Variants in TNNI3K observed in about 807,000 individuals in gnomAD.
TNNI3K encodes the protein TNNI3 interacting kinase.
In TNNI3K, 140 loss-of-function variants were observed where a neutral mutation model predicts 114.5. That is an observed-to-expected ratio of 1.22 (90% CI 1.07 to 1.41). The LOEUF is 1.41. Ranked by LOEUF, TNNI3K falls within the 40% of genes most tolerant of loss-of-function variation. The pLI, the probability that TNNI3K is intolerant of heterozygous loss-of-function variation, is 0.00. For synonymous variants in TNNI3K, 347 were observed against 347.5 expected, an observed-to-expected ratio of 1.00 and a Z score of 0.02; for missense variants, 1,125 against 1,007.6, an observed-to-expected ratio of 1.12 and a Z score of -1.58.
intron 9 of TNNI3K, among the ~76,000 whole-genome samples, chr1:74,349,637 C>G (rs991216579): frequency 1.3e-5 from 2 of 152,118 alleles, no homozygotes; most frequent in Non-Finnish European, 2.9e-5. Context: ...TGATTATTGC[C>G]TCAATTTCAG....
chr1:74,417,171 A>G (rs1014920024), intron 17 of TNNI3K, among the ~76,000 whole-genome samples: 2 of 152,120 alleles, frequency 1.3e-5, no homozygotes, highest in Admixed American at 6.6e-5. Flanking sequence ...AGGGAAATAT[A>G]CTTGTTCTTA....
At chr1:74,416,502 G>A in intron 17 of TNNI3K, 1 of 984,420 alleles carries the variant, frequency 1.0e-6, no homozygotes, top group Non-Finnish European at 1.2e-6. Flanking sequence ...ACTAGTAGGT[G>A]TGACAGTGGG....
intron 17 of TNNI3K, chr1:74,418,313 C>A: frequency 4.3e-6 from 1 of 233,622 alleles, no homozygotes; most frequent in Non-Finnish European, 8.8e-6. Context: ...TAGAAGCCTG[C>A]CTCTAGGACT....
chr1:74,236,013 A>T, intron 1 of TNNI3K, 89 bp from the exon 2 acceptor site: 1 of 911,758 alleles, frequency 1.1e-6, no homozygotes, highest in South Asian at 1.8e-5. Flanking sequence ...TAGAATAAAA[A>T]ACAGTTTTGA....
intron 17 of TNNI3K, among the ~76,000 whole-genome samples, chr1:74,382,585 T>G (rs1386626974): frequency 6.6e-6 from 1 of 152,186 alleles, no homozygotes; most frequent in Non-Finnish European, 1.5e-5. Context: ...TTCTGAAAGA[T>G]GCAGTGTTTC....
Position 74,369,386 on chromosome 1 carries a change from T to C in TNNI3K, c.1473-5T>C. 4 of 1,607,544 alleles carry C rather than the reference T, an allele frequency of 2.5e-6. No individual in the cohort carries two copies. Among genetic ancestry groups the C allele is most frequent in the Non-Finnish European group, 3.4e-6 (4 of 1,176,836 alleles). On this transcript the variant is annotated splice_polypyrimidine_tract_variant and splice_region_variant and intron_variant, in intron 15 of 24. Transcript: ENST00000326637. Reference sequence around the variant, plus strand: ...CTGAAGATTTTCTGTTGCTGCCATTTCCAGTTATCGAGCCAATACCTACTG... The same window carrying C: ...CTGAAGATTTTCTGTTGCTGCCATTCCCAGTTATCGAGCCAATACCTACTG...
At chr1:74,510,997 C>T (rs1042651418) in intron 23 of TNNI3K, among the ~76,000 whole-genome samples, 2 of 152,058 alleles carry the variant, frequency 1.3e-5, no homozygotes, top group South Asian at 4.1e-4. Flanking sequence ...AAGTGATTCT[C>T]CTGCCTCAGC....
intron 17 of TNNI3K, among the ~76,000 whole-genome samples, chr1:74,392,407 A>G (rs1476069122): frequency 6.6e-6 from 1 of 152,224 alleles, no homozygotes; most frequent in Non-Finnish European, 1.5e-5. Flanking sequence ...ACTTAAACTC[A>G]GCAGGTAACA....
At chr1:74,441,082 G>T (rs147166931) in intron 20 of TNNI3K, among the ~76,000 whole-genome samples, 2 of 151,858 alleles carry the variant, frequency 1.3e-5, no homozygotes, top group African/African-American at 2.4e-5. Flanking sequence ...TTAAAAATAG[G>T]GTTTATTTAG....
intron 17 of TNNI3K, among the ~76,000 whole-genome samples, chr1:74,409,285 G>A (rs72966944): frequency 0.015 from 2,317 of 152,134 alleles, 39 homozygotes; most frequent in Middle Eastern, 0.048. Flanking sequence ...ACTCCCCGCT[G>A]TTATGACAAA....
chr1:74,404,804 T>C (rs1424887368), intron 17 of TNNI3K, among the ~76,000 whole-genome samples: 5 of 152,202 alleles, frequency 3.3e-5, no homozygotes, highest in African/African-American at 1.2e-4. Flanking sequence ...ACCACTATAA[T>C]CCTGCTAAGT....
chr1:74,284,648 T>A (rs1220456263), intron 5 of TNNI3K, among the ~76,000 whole-genome samples: 1 of 152,190 alleles, frequency 6.6e-6, no homozygotes, highest in African/African-American at 2.4e-5. Flanking sequence ...TGCTGCATCT[T>A]TCATTTTGCA....
chr1:74,369,106 T>G lies in TNNI3K; in HGVS notation c.1406T>G (p.Ile469Ser). Residue 469 changes from isoleucine to serine, a missense_variant, in exon 14 of 25, where the codon ATT (isoleucine) becomes AGT (serine). By Grantham distance (142) the Ile-to-Ser change is moderately radical. Coordinates refer to ENST00000326637, the MANE Select transcript of TNNI3K (RefSeq NM_015978.3). The stretch of plus-strand genomic sequence containing the variant: ...TCAGAAATTGAGTTCCATGAGATTA[T>G]TGGCTCAGGTAACCTAAAATAAATA... ...QLSEIEFHEIIGSGSFGKVYK... is the reference protein window; with the variant it reads ...QLSEIEFHEISGSGSFGKVYK... 1 of 1,608,640 alleles carries G rather than the reference T, an allele frequency of 6.2e-7. No homozygotes were observed. Among genetic ancestry groups the G allele is most frequent in the South Asian group, 1.1e-5 (1 of 89,728 alleles).
In TNNI3K at chr1:74,503,268, T is replaced by C. The variant is rs1669727711; in HGVS notation, c.2351+11002T>C. On this transcript the variant is annotated intron_variant, in intron 23 of 24. Coordinates refer to ENST00000326637, the MANE Select transcript of TNNI3K (RefSeq NM_015978.3). The stretch of plus-strand genomic sequence containing the variant: ...AATACAATAGGGAATCAGCATCTTT[T>C]AGCTAATTCTACTTAGAAATAATTT... Among the ~76,000 whole-genome samples, 2 of 152,218 alleles carry C rather than the reference T, an allele frequency of 1.3e-5. 1 individual carries two copies. The highest frequency in any genetic ancestry group is 4.1e-4 in the South Asian group (2 of 4,836).
intron 5 of TNNI3K, among the ~76,000 whole-genome samples, chr1:74,309,702 C>A (rs555702377): frequency 6.6e-6 from 1 of 152,024 alleles, no homozygotes; most frequent in Admixed American, 6.6e-5. Flanking sequence ...AATTGACAAC[C>A]AAGAACAAAT....
intron 17 of TNNI3K, chr1:74,418,324 C>A: frequency 4.9e-6 from 1 of 203,534 alleles, no homozygotes; most frequent in Non-Finnish European, 1.0e-5. Flanking sequence ...CTCTAGGACT[C>A]TGAAATAAAA....
chr1:74,454,926 G>A (rs533756278), intron 20 of TNNI3K, among the ~76,000 whole-genome samples: 8 of 152,076 alleles, frequency 5.3e-5, no homozygotes, highest in Non-Finnish European at 1.0e-4. Flanking sequence ...TACTTCAAAA[G>A]GTTAGAGCAG....
intron 10 of TNNI3K, among the ~76,000 whole-genome samples, chr1:74,353,617 A>G (rs1661501180): frequency 1.3e-5 from 2 of 150,326 alleles, no homozygotes; most frequent in African/African-American, 4.9e-5. Context: ...CAGACTGACC[A>G]CACTGCTCTG....
chr1:74,417,220 T>C (rs961097648), intron 17 of TNNI3K, among the ~76,000 whole-genome samples: 1 of 152,026 alleles, frequency 6.6e-6, no homozygotes, highest in Non-Finnish European at 1.5e-5. Context: ...GTAGCAACTA[T>C]GAAAATGTAC....
Sources: gnomAD v4.1 joint callset for allele counts (sites outside exome capture counted in the v4.1 genomes callset) on GRCh38, gnomAD v4.1.1 for gene constraint, MANE v1.5 for transcripts, NCBI Gene and HGNC (gene_info 2026-07-23, HGNC 2026-07-21) for gene names.